The following FAM81A variants were observed in gnomAD, a reference collection of about 807,000 sequenced individuals.
FAM81A encodes protein FAM81A.
Under a neutral mutation model 46.7 loss-of-function variants are expected in FAM81A, and 19 were observed. The ratio of observed to expected loss-of-function variants is 0.41; its 90% CI spans 0.28 to 0.60. The LOEUF is 0.60. FAM81A is among the 20% of genes least tolerant of loss of function. The pLI is 0.34. For synonymous variants in FAM81A, 183 were observed against 152.9 expected (o/e 1.20, Z -1.45); for missense variants, 377 against 453.5 (o/e 0.83, Z 1.53).
intron 8 of FAM81A, among the ~76,000 whole-genome samples, chr15:59,519,604 C>T (rs1453140532): frequency 2.0e-5 from 3 of 150,480 alleles, no homozygotes; most frequent in Non-Finnish European, 4.4e-5. Context: ...CCCTCCCCTC[C>T]CCTTCCCTTC....
chr15:59,475,490 G>A (rs1012943671), intron 3 of FAM81A, among the ~76,000 whole-genome samples: 5 of 152,126 alleles, frequency 3.3e-5, no homozygotes, highest in African/African-American at 9.7e-5. Context: ...TTACAATGCA[G>A]TGAGAAAGTA....
intron 2 of FAM81A, chr15:59,407,757 C>T (rs1375567888): frequency 4.5e-6 from 1 of 223,194 alleles, no homozygotes; most frequent in East Asian, 1.5e-4. Context: ...CAGGTGGTCT[C>T]TTAGTGGGGA....
At chr15:59,511,988 C>T (rs1429039226) in intron 6 of FAM81A, among the ~76,000 whole-genome samples, 1 of 152,084 alleles carries the variant, frequency 6.6e-6, no homozygotes, top group South Asian at 2.1e-4. Flanking sequence ...TGGATAAAAA[C>T]AAACCAAAAC....
chr15:59,462,044 A>G (rs2081557625), intron 3 of FAM81A, among the ~76,000 whole-genome samples: 1 of 151,982 alleles, frequency 6.6e-6, no homozygotes, highest in Non-Finnish European at 1.5e-5. Context: ...TCTACTAAAA[A>G]CACAAAAAAT....
chr15:59,497,797 C>T (rs1460869255), intron 4 of FAM81A, among the ~76,000 whole-genome samples: 1 of 152,128 alleles, frequency 6.6e-6, no homozygotes, highest in Non-Finnish European at 1.5e-5. Flanking sequence ...TATCACTGCA[C>T]TTCAACCAGG....
intron 2 of FAM81A, among the ~76,000 whole-genome samples, chr15:59,403,389 A>C (rs62015011): frequency 0.19 from 28,444 of 152,024 alleles, 2,850 homozygotes; most frequent in Non-Finnish European, 0.22. Context: ...AGCTCCCCCA[A>C]CTCCTAAGCA....
At chr15:59,517,109 C>T (rs1385496954) in intron 8 of FAM81A, among the ~76,000 whole-genome samples, 1 of 152,072 alleles carries the variant, frequency 6.6e-6, no homozygotes, top group Non-Finnish European at 1.5e-5. Flanking sequence ...TCAGCACCAT[C>T]GGCCAATTCT....
Position 59,438,218 on chromosome 15 carries a change from G to T in FAM81A, c.-142G>T, listed in dbSNP as rs1328465356. On this transcript the variant is annotated 5_prime_UTR_variant, in exon 1 of 9. Transcript: ENST00000288228. ...GGCGCCCTGCTCAGCCAGCGCCAGC[G>T]GCCGCCGCACCCAGCCGCGCCGGCG... is the stretch of plus-strand genomic sequence containing the variant. The T allele has an allele frequency of 2.0e-5, 3 of 147,568 alleles. No individual in the cohort carries two copies. The highest frequency in any genetic ancestry group is 4.5e-5 in the Non-Finnish European group (3 of 66,346). The allele number at this position is 147,568 out of a possible 1,614,324, so 9.1% of individuals were successfully genotyped here.
chr15:59,476,691 G>A (rs1287610221), intron 3 of FAM81A, among the ~76,000 whole-genome samples: 2 of 152,016 alleles, frequency 1.3e-5, no homozygotes, highest in African/African-American at 4.8e-5. Context: ...TTGGGAGGCT[G>A]AGGAAGGAGA....
intron 1 of FAM81A, among the ~76,000 whole-genome samples, chr15:59,455,065 C>CTT (rs773072708): frequency 5.2e-5 from 7 of 134,568 alleles, no homozygotes; most frequent in South Asian, 2.4e-4. Context: ...ACCTGGCTAA[C>CTT]TTTTTTTTTT....
intron 4 of FAM81A, among the ~76,000 whole-genome samples, chr15:59,502,046 A>C (rs944401442): frequency 1.3e-5 from 2 of 151,882 alleles, no homozygotes; most frequent in Non-Finnish European, 2.9e-5. Flanking sequence ...AAAAATTACA[A>C]AACTCACCAA....
intron 2 of FAM81A, 46 bp from the exon 3 acceptor site, chr15:59,459,887 A>G (rs771038096): frequency 2.0e-6 from 3 of 1,510,986 alleles, no homozygotes; most frequent in Non-Finnish European, 1.8e-6. Flanking sequence ...CTGGCTTTAA[A>G]CATTATTTTT....
upstream of FAM81A, among the ~76,000 whole-genome samples, chr15:59,437,993 T>A (rs1405636330): frequency 1.3e-5 from 2 of 151,226 alleles, no homozygotes; most frequent in Non-Finnish European, 3.0e-5. Flanking sequence ...GCCGCCAGGC[T>A]GGGCGCGGGT....
chr15:59,518,252 A>G (rs2082288245), intron 8 of FAM81A, among the ~76,000 whole-genome samples: 1 of 151,490 alleles, frequency 6.6e-6, no homozygotes, highest in Non-Finnish European at 1.5e-5. Context: ...TGCTGGGATT[A>G]CAGGCAAGAG....
At chr15:59,441,594 G>T (rs2081298416) in intron 1 of FAM81A, among the ~76,000 whole-genome samples, 1 of 152,190 alleles carries the variant, frequency 6.6e-6, no homozygotes, top group African/African-American at 2.4e-5. Context: ...TCATCTTTCT[G>T]TTGAAACTGC....
At chr15:59,494,137 C>A (rs74751694) in intron 4 of FAM81A, among the ~76,000 whole-genome samples, 13,485 of 152,198 alleles carry the variant, frequency 0.089, 762 homozygotes, top group African/African-American at 0.16. Flanking sequence ...CATTCATCAT[C>A]AATTTGGATG....
chr15:59,407,291 C>CTTTTTTTTTTTTTTTTT (rs3053043), intron 2 of FAM81A: 1 of 120,220 alleles, frequency 8.3e-6, no homozygotes, highest in Non-Finnish European at 1.7e-5. Flanking sequence ...CTTTTCTTTC[C>CTTTTTTTTTTTTTTTTT]TTTTTTTTTT....
intron 8 of FAM81A, among the ~76,000 whole-genome samples, chr15:59,520,759 T>A (rs1452318792): frequency 6.6e-6 from 1 of 152,108 alleles, no homozygotes; most frequent in Non-Finnish European, 1.5e-5. Flanking sequence ...GAGACAGGGT[T>A]TCGCCGTGTT....
intron 4 of FAM81A, among the ~76,000 whole-genome samples, chr15:59,497,178 C>T (rs775797139): frequency 2.0e-5 from 3 of 148,598 alleles, no homozygotes; most frequent in East Asian, 4.1e-4. Context: ...CTAGGCATGG[C>T]GGCTCACGCC....
Sources: gnomAD v4.1 joint callset for allele counts (sites outside exome capture counted in the v4.1 genomes callset) on GRCh38, gnomAD v4.1.1 for gene constraint, MANE v1.5 for transcripts, NCBI Gene and HGNC (gene_info 2026-07-23, HGNC 2026-07-21) for gene names.